Variants in LRRIQ3 observed in about 807,000 individuals in gnomAD.
LRRIQ3 encodes leucine-rich repeat and IQ domain-containing protein 3.
LRRIQ3 carries 75 observed loss-of-function variants against 59.3 expected under a neutral mutation model. The observed-to-expected ratio is 1.26, with a 90% CI of 1.05 to 1.53. The LOEUF (loss-of-function observed/expected upper bound fraction) is 1.53, where lower values mean the gene tolerates loss of function less well. Among genes scored for constraint, LRRIQ3 ranks in the 40% most tolerant of loss-of-function variants. The probability of loss-of-function intolerance (pLI) is 0.00; values close to 1 mark genes in which losing one functional copy is unlikely to be tolerated. For synonymous variants in LRRIQ3, 250 were observed against 231.3 expected, an observed-to-expected ratio of 1.08 and a Z score of -0.73; for missense variants, 831 against 710.0, an observed-to-expected ratio of 1.17 and a Z score of -1.94.
Position 74,058,086 on chromosome 1 carries a change from G to A in LRRIQ3, c.998-16153C>T, listed in dbSNP as rs188600451. On this transcript the variant is annotated intron_variant, in intron 6 of 7. Transcript: ENST00000354431. ...AAAAACAAAAAACAAATACTAGTGA[G>A]AACACAGCTAATGGAGAACTCTTAT... Among the ~76,000 whole-genome samples, 661 of 152,140 alleles carry A rather than the reference G, an allele frequency of 4.3e-3. 4 individuals are homozygous for A. The highest frequency in any genetic ancestry group is 0.041 in the Middle Eastern group (12 of 294).
intron 4 of LRRIQ3, among the ~76,000 whole-genome samples, chr1:74,129,969 AC>A (rs555958984): frequency 8.4e-4 from 126 of 149,364 alleles, no homozygotes; most frequent in African/African-American, 3.0e-3. Context: ...TTGCCCCCCC[AC>A]CAAAAAAAAG....
intron 4 of LRRIQ3, among the ~76,000 whole-genome samples, chr1:74,140,887 A>G (rs1294870832): frequency 6.6e-6 from 1 of 151,822 alleles, no homozygotes; most frequent in Admixed American, 6.6e-5. Context: ...CCCTTCCAAT[A>G]TAAAAACATA....
chr1:74,148,709 A>G (rs1464299054), intron 4 of LRRIQ3, among the ~76,000 whole-genome samples: 4 of 152,204 alleles, frequency 2.6e-5, no homozygotes, highest in Non-Finnish European at 5.9e-5. Context: ...CCTAAGGTCA[A>G]CTGATTAGTA....
At chr1:74,147,734 T>C (rs929549277) in intron 4 of LRRIQ3, among the ~76,000 whole-genome samples, 2 of 152,212 alleles carry the variant, frequency 1.3e-5, no homozygotes, top group Admixed American at 6.5e-5. Context: ...CTTTTGTCTT[T>C]TGTCAGTTTA....
intron 4 of LRRIQ3, among the ~76,000 whole-genome samples, chr1:74,121,441 C>T (rs76225463): frequency 0.094 from 14,277 of 152,122 alleles, 693 homozygotes; most frequent in Middle Eastern, 0.13. Context: ...TGAACCATAA[C>T]CCCTTATGGG....
Position 74,141,272 on chromosome 1 carries a change from T to TA in LRRIQ3, c.707+14460dup, listed in dbSNP as rs567003040. Reference sequence around the variant, plus strand: ...GATTTATATCTCCAATAGTAAATTTTAAAAAATATACTTCAGTTTCTTAAT... The same window carrying TA: ...GATTTATATCTCCAATAGTAAATTTTAAAAAAATATACTTCAGTTTCTTAAT... On this transcript the variant is annotated intron_variant, in intron 4 of 7. Transcript: ENST00000354431. Among the ~76,000 whole-genome samples the TA allele has an allele frequency of 1.6e-3, 249 of 151,964 alleles. 1 individual carries two copies. The highest frequency in any genetic ancestry group is 2.9e-3 in the Non-Finnish European group (195 of 67,842).
intron 4 of LRRIQ3, among the ~76,000 whole-genome samples, chr1:74,155,242 C>T (rs576885409): frequency 6.6e-6 from 1 of 152,154 alleles, no homozygotes; most frequent in South Asian, 2.1e-4. Flanking sequence ...GACAGAGTAT[C>T]CTATCATATC....
chr1:74,147,006 T>C (rs1647613426), intron 4 of LRRIQ3, among the ~76,000 whole-genome samples: 1 of 152,214 alleles, frequency 6.6e-6, no homozygotes, highest in Non-Finnish European at 1.5e-5. Context: ...GGCAGGCAGA[T>C]TGCTTGAGCC....
At chr1:74,130,172 C>T (rs759725427) in intron 4 of LRRIQ3, among the ~76,000 whole-genome samples, 126 of 152,046 alleles carry the variant, frequency 8.3e-4, no homozygotes, top group Non-Finnish European at 1.4e-3. Context: ...AGGACTTGCC[C>T]ACAGATTGCA....
At chr1:74,064,593 C>G (rs1654818547) in intron 6 of LRRIQ3, among the ~76,000 whole-genome samples, 1 of 152,054 alleles carries the variant, frequency 6.6e-6, no homozygotes. Context: ...TAAGGCACAT[C>G]TTTTAGCAAT....
intron 4 of LRRIQ3, among the ~76,000 whole-genome samples, chr1:74,117,717 G>C (rs1450609093): frequency 6.6e-6 from 1 of 152,122 alleles, no homozygotes; most frequent in African/African-American, 2.4e-5. Flanking sequence ...AGTGAGCTGA[G>C]ATCGCACCAC....
intron 1 of LRRIQ3, among the ~76,000 whole-genome samples, chr1:74,187,695 C>T (rs1354389678): frequency 1.3e-5 from 2 of 151,940 alleles, no homozygotes; most frequent in Admixed American, 6.6e-5. Flanking sequence ...AAGAACCTAT[C>T]CATGTAACAA....
At chr1:74,115,627 C>T (rs17524893) in intron 4 of LRRIQ3, among the ~76,000 whole-genome samples, 47,175 of 151,932 alleles carry the variant, frequency 0.31, 8,049 homozygotes, top group Middle Eastern at 0.45. Flanking sequence ...TGAGACAGTC[C>T]AGATCTCAAG....
intron 6 of LRRIQ3, among the ~76,000 whole-genome samples, chr1:74,063,104 C>CA (rs796185693): frequency 1.6e-4 from 24 of 150,000 alleles, no homozygotes; most frequent in African/African-American, 5.4e-4. Context: ...CAAAACAAAA[C>CA]AAAAAACCCC....
At position 74,182,316 on chromosome 1, in the gene LRRIQ3, C is replaced by T. The variant is rs1251591390; in HGVS notation, c.573+222G>A. ...ATTTAAAAAACAAAAATTTGTTTCT[C>T]TACAATTTGATCATTTCAGGCTTTG... On this transcript the variant is annotated intron_variant, in intron 3 of 7. Transcript: ENST00000354431. 4 of 277,524 alleles carry T rather than the reference C, an allele frequency of 1.4e-5. No individual in the cohort carries two copies. The East Asian group carries it at 2.5e-4, about 17-fold the overall frequency. 17.2% of individuals were successfully genotyped at this position (277,524 alleles called of 1,614,324 possible). A position where few individuals can be genotyped will look rare whatever the true frequency, so the allele number is the denominator to read the frequency against.
chr1:74,101,302 G>GA lies in LRRIQ3; in HGVS notation c.867+8091dup, dbSNP rs1646529035. Among the ~76,000 whole-genome samples, 3 of 152,110 alleles carry GA rather than the reference G, an allele frequency of 2.0e-5. No homozygotes were observed. In the South Asian group the frequency reaches 6.2e-4, roughly 32 times the overall value. Reference sequence around the variant, plus strand: ...ACATTTATGCAGCCAATAGACACATGAAAAAATGCTCATCATCACTGGCCA... The same window carrying GA: ...ACATTTATGCAGCCAATAGACACATGAAAAAAATGCTCATCATCACTGGCCA... On this transcript the variant is annotated intron_variant, in intron 5 of 7. Transcript: ENST00000354431.
At chr1:74,150,697 A>AT (rs1212628571) in intron 4 of LRRIQ3, among the ~76,000 whole-genome samples, 2 of 152,188 alleles carry the variant, frequency 1.3e-5, no homozygotes, top group African/African-American at 2.4e-5. Flanking sequence ...AGAGTTAAAC[A>AT]TTTTTCCTGG....
chr1:74,163,280 T>A, intron 3 of LRRIQ3, among the ~76,000 whole-genome samples: 1 of 151,610 alleles, frequency 6.6e-6, no homozygotes, highest in East Asian at 1.9e-4. Flanking sequence ...TTCACTTTAA[T>A]AGTCCCACAA....
At chr1:74,055,208 A>G (rs1365009697) in intron 6 of LRRIQ3, among the ~76,000 whole-genome samples, 6 of 146,526 alleles carry the variant, frequency 4.1e-5, no homozygotes, top group Non-Finnish European at 6.0e-5. Flanking sequence ...ATATATATAT[A>G]TATACACACA....
Sources: allele counts gnomAD v4.1 joint callset (sites outside exome capture counted in the v4.1 genomes callset), GRCh38; gene constraint gnomAD v4.1.1; transcripts MANE v1.5; gene names NCBI Gene and HGNC (gene_info 2026-07-23, HGNC 2026-07-21).